Variants in FXYD7 observed in about 807,000 individuals in gnomAD.
The protein encoded by FXYD7 is FXYD domain containing ion transport regulator 7.
FXYD7 carries 7 observed loss-of-function variants against 15.3 expected under a neutral mutation model. The ratio of observed to expected loss-of-function variants is 0.46; its 90% confidence interval spans 0.26 to 0.86. The LOEUF is 0.86. FXYD7 is among the 40% of genes least tolerant of loss of function. The probability of loss-of-function intolerance (pLI) is 0.16; values close to 1 mark genes in which losing one functional copy is unlikely to be tolerated. For synonymous variants in FXYD7, 39 were observed against 39.3 expected (o/e 0.99, Z 0.03); for missense variants, 78 against 100.6 (o/e 0.78, Z 0.96).
chr19:35,146,143 T>TC (rs1197945435), intron 1 of FXYD7, among the ~76,000 whole-genome samples: 1 of 149,522 alleles, frequency 6.7e-6, no homozygotes. Flanking sequence ...AAATTAATCT[T>TC]CTTTTTTTTT....
At chr19:35,147,871 A>G (rs2065293801) in intron 1 of FXYD7, among the ~76,000 whole-genome samples, 1 of 151,572 alleles carries the variant, frequency 6.6e-6, no homozygotes, top group African/African-American at 2.4e-5. Flanking sequence ...GTGCACACCT[A>G]TAGTCCCGGT....
intron 2 of FXYD7, chr19:35,148,976 C>A (rs1397565434): frequency 1.6e-6 from 1 of 642,062 alleles, no homozygotes; most frequent in South Asian, 1.5e-5. Context: ...CTTGGTGTCG[C>A]CAGAGAAGCA....
chr19:35,145,653 C>T (rs543007894), intron 1 of FXYD7, among the ~76,000 whole-genome samples: 2 of 152,358 alleles, frequency 1.3e-5, no homozygotes, highest in East Asian at 1.9e-4. Flanking sequence ...ACACAGAGCA[C>T]AAGGGACCCT....
At chr19:35,151,717 G>T in intron 5 of FXYD7, 44 bp downstream of exon 5, 1 of 1,467,876 alleles carries the variant, frequency 6.8e-7, no homozygotes, top group Non-Finnish European at 9.6e-7. Context: ...TTTTAGGTGG[G>T]GCAGGGAAGG....
chr19:35,147,263 G>T (rs1438131213), intron 1 of FXYD7, among the ~76,000 whole-genome samples: 2 of 152,132 alleles, frequency 1.3e-5, no homozygotes, highest in African/African-American at 4.8e-5. Context: ...AACCTCCAGG[G>T]AGCCATCCAT....
chr19:35,145,540 T>C (rs2065286399), intron 1 of FXYD7, among the ~76,000 whole-genome samples: 1 of 152,192 alleles, frequency 6.6e-6, no homozygotes, highest in African/African-American at 2.4e-5. Flanking sequence ...CTCATAATCA[T>C]TCCTTCATTC....
intron 2 of FXYD7, chr19:35,149,027 C>A: frequency 1.8e-6 from 1 of 551,782 alleles, no homozygotes; most frequent in East Asian, 4.3e-5. Context: ...TGAGCCCAGG[C>A]TGCCTGGATT....
chr19:35,151,517 C>T, intron 4 of FXYD7, 35 bp downstream of exon 4: 1 of 1,610,066 alleles, frequency 6.2e-7, no homozygotes, highest in Non-Finnish European at 8.5e-7. Flanking sequence ...GGGAGGGGGC[C>T]TCGGGGTGCC....
rs2065277321 is a variant in FXYD7, at chr19:35,143,526, C to A, written c.31+162C>A. Among the ~76,000 whole-genome samples, 3 of 152,356 alleles carry A rather than the reference C, an allele frequency of 2.0e-5. No homozygotes were observed. The highest frequency in any genetic ancestry group is 3.4e-3 in the Middle Eastern group (1 of 294). On this transcript the variant is annotated intron_variant, in intron 1 of 5. Transcript: ENST00000270310. The surrounding 1 kb of genome is among the most constrained non-coding windows in gnomAD (Gnocchi z 4.3). ...CCCCTGTAATGCGCCCCCCCGATCG[C>A]CCCTCCGGGTCTCTGGGACACCCCC...
chr19:35,143,806 C>T lies in FXYD7; in HGVS notation c.31+442C>T, dbSNP rs2065278765. 6.6e-6 allele frequency among the ~76,000 whole-genome samples: 1 copy of T among 152,108 alleles called. No homozygotes were observed. The highest frequency in any genetic ancestry group is 3.2e-3 in the Middle Eastern group (1 of 316). The stretch of plus-strand genomic sequence containing the variant: ...TCCCTCTTCTTTCCAGTGCTGTCTC[C>T]TAGGGTGTCTGTTTCCTGAAACCCT... On this transcript the variant is annotated intron_variant, in intron 1 of 5. Coordinates refer to ENST00000270310, the MANE Select transcript of FXYD7 (RefSeq NM_022006.2). This position sits in a 1 kb window ranked among gnomAD's most constrained non-coding sequence, Gnocchi z 4.3.
chr19:35,150,404 A>T (rs2065305485), intron 2 of FXYD7, among the ~76,000 whole-genome samples: 1 of 152,208 alleles, frequency 6.6e-6, no homozygotes, highest in African/African-American at 2.4e-5. Context: ...TCTCTTAAAA[A>T]AAAAGACAAG....
intron 5 of FXYD7, among the ~76,000 whole-genome samples, 170 bp from the exon 6 acceptor site, chr19:35,153,724 G>A (rs2065325785): frequency 6.6e-6 from 1 of 152,182 alleles, no homozygotes; most frequent in Non-Finnish European, 1.5e-5. Context: ...TGTCCCCAAG[G>A]GAACAAGACA....
At chr19:35,148,026 GGAAAGAAAGAAA>G (rs59209064) in intron 1 of FXYD7, among the ~76,000 whole-genome samples, 11,488 of 88,328 alleles carry the variant, frequency 0.13, 824 homozygotes, top group South Asian at 0.15. Context: ...GAAGAAAGAA[GGAAAGAAAGAAA>G]GAAAGAAAGA....
intron 1 of FXYD7, among the ~76,000 whole-genome samples, chr19:35,146,231 G>C (rs949523999): frequency 6.6e-6 from 1 of 151,770 alleles, no homozygotes; most frequent in Non-Finnish European, 1.5e-5. Flanking sequence ...TCTGCCTCCC[G>C]GGTTCAAGCA....
intron 2 of FXYD7, 79 bp from the exon 3 acceptor site, chr19:35,151,175 G>A: frequency 1.1e-6 from 1 of 940,118 alleles, no homozygotes; most frequent in South Asian, 1.3e-5. Flanking sequence ...TCCTGGCTGG[G>A]CCACCCAGAG....
chr19:35,145,753 AT>A (rs1174853612), intron 1 of FXYD7, among the ~76,000 whole-genome samples: 3 of 152,012 alleles, frequency 2.0e-5, no homozygotes, highest in Non-Finnish European at 2.9e-5. Context: ...TATTTATTTA[AT>A]TTTTTTCCTT....
rs1600495746 is a variant in FXYD7 at position 35,154,006 on chromosome 19, G to C, written c.*90G>C. Reference sequence around the variant, plus strand: ...GGCGGTGGGGACCCAGCCGCGCGCCGGGAGCGCTCCCCGGAATGAGCCGCC... The same window carrying C: ...GGCGGTGGGGACCCAGCCGCGCGCCCGGAGCGCTCCCCGGAATGAGCCGCC... On this transcript the variant is annotated 3_prime_UTR_variant, in exon 6 of 6. Coordinates refer to ENST00000270310, the MANE Select transcript of FXYD7 (RefSeq NM_022006.2). The C allele has an allele frequency of 2.0e-5, 26 of 1,306,560 alleles. No homozygotes were observed. Among genetic ancestry groups the C allele is most frequent in the East Asian group, 1.6e-4 (7 of 42,550 alleles). 80.9% of individuals were successfully genotyped at this position (1,306,560 alleles called of 1,614,324 possible). A position where few individuals can be genotyped will look rare whatever the true frequency, so the allele number is the denominator to read the frequency against.
chr19:35,151,353 G>A (rs1372674099), intron 3 of FXYD7, 25 bp downstream of exon 3: 14 of 1,596,616 alleles, frequency 8.8e-6, no homozygotes, highest in Non-Finnish European at 1.1e-5. Flanking sequence ...TTCCTGGGCT[G>A]CCTCAGCCTC....
At chr19:35,153,400 G>A (rs762198176) in intron 5 of FXYD7, among the ~76,000 whole-genome samples, 1 of 152,180 alleles carries the variant, frequency 6.6e-6, no homozygotes, top group Non-Finnish European at 1.5e-5. Flanking sequence ...CATGAACAAG[G>A]CACTTATGGA....
Sources: allele counts gnomAD v4.1 joint callset (sites outside exome capture counted in the v4.1 genomes callset), GRCh38; gene constraint gnomAD v4.1.1; non-coding constraint Gnocchi (gnomAD v3.1); transcripts MANE v1.5; gene names NCBI Gene and HGNC (gene_info 2026-07-23, HGNC 2026-07-21).